NLRP5: variants seen among roughly 807,000 people sequenced by gnomAD.
The protein encoded by NLRP5 is NLR family pyrin domain containing 5.
Under a neutral mutation model 113.1 loss-of-function variants are expected in NLRP5, and 93 were observed. The observed-to-expected ratio is 0.82, with a 90% CI of 0.70 to 0.98. NLRP5 has a LOEUF of 0.98. NLRP5 is among the 50% of genes least tolerant of loss of function. NLRP5 has a pLI of 0.00. For synonymous variants in NLRP5, 751 were observed against 600.7 expected, an observed-to-expected ratio of 1.25 and a Z score of -3.66; for missense variants, 1,808 against 1,514.3, an observed-to-expected ratio of 1.19 and a Z score of -3.22.
At chr19:55,988,609 AAT>A in the NLRP5 span, 1 of 127,016 alleles carries the variant, frequency 7.9e-6, no homozygotes, top group East Asian at 3.0e-4. Context: ...TCATCTTAAA[AAT>A]AAAATCACTG....
At chr19:56,053,371 G>T (rs900092406) in intron 12 of NLRP5, among the ~76,000 whole-genome samples, 13 of 151,898 alleles carry the variant, frequency 8.6e-5, no homozygotes, top group Admixed American at 7.9e-4. Context: ...ACTCCAGCAT[G>T]GGCAACAAGA....
At chr19:56,006,578 A>C (rs1981921582) in intron 2 of NLRP5, among the ~76,000 whole-genome samples, 1 of 151,740 alleles carries the variant, frequency 6.6e-6, no homozygotes, top group Non-Finnish European at 1.5e-5. Flanking sequence ...CTAAAAATAC[A>C]AAAATTAGCC....
chr19:56,010,102 C>T (rs1031649873), intron 3 of NLRP5, among the ~76,000 whole-genome samples: 4 of 152,202 alleles, frequency 2.6e-5, no homozygotes, highest in African/African-American at 7.2e-5. Flanking sequence ...GGGGTCTTGC[C>T]ATCAGCCACG....
chr19:56,037,125 G>A (rs1449426763), intron 9 of NLRP5, among the ~76,000 whole-genome samples: 1 of 152,170 alleles, frequency 6.6e-6, no homozygotes, highest in Non-Finnish European at 1.5e-5. Flanking sequence ...GAGATGCTAA[G>A]CTATTCGGTT....
chr19:56,059,912 A>C (rs1271162146), intron 14 of NLRP5, among the ~76,000 whole-genome samples: 1 of 152,206 alleles, frequency 6.6e-6, no homozygotes, highest in Non-Finnish European at 1.5e-5. Flanking sequence ...AGTTGAGTTT[A>C]TCCAGGGTTC....
chr19:56,038,162 TGA>T lies in NLRP5; in HGVS notation c.2757_2758del (p.Arg919SerfsTer62). ...GGAGTAATGCCTCTCAGTGATGCCT[TGA>T]GAGTCTCCCAGTGCGCCCTGCAGAA... On this transcript the variant is annotated frameshift_variant, in exon 10 of 15. Coordinates refer to ENST00000390649, the MANE Select transcript of NLRP5 (RefSeq NM_153447.4). LOFTEE classifies it high-confidence loss of function. The T allele has an allele frequency of 6.2e-7, 1 of 1,613,850 alleles. No homozygotes were observed. The highest frequency in any genetic ancestry group is 8.5e-7 in the Non-Finnish European group (1 of 1,179,812).
chr19:56,047,007 C>T (rs978562738), intron 11 of NLRP5, among the ~76,000 whole-genome samples: 3 of 152,158 alleles, frequency 2.0e-5, no homozygotes, highest in Non-Finnish European at 4.4e-5. Flanking sequence ...TTATCCATGT[C>T]TTCTAGGTTT....
chr19:55,989,939 G>A, the NLRP5 span, among the ~76,000 whole-genome samples: 1 of 152,102 alleles, frequency 6.6e-6, no homozygotes, highest in African/African-American at 2.4e-5. Flanking sequence ...CCATCACAAA[G>A]CAGCGTCCAG....
chr19:56,026,947 C>A lies in NLRP5; in HGVS notation c.714C>A (p.His238Gln). The change falls in exon 7 of 15, where the codon CAC becomes CAA. Residue 238 changes from histidine (H) to glutamine (Q), a missense_variant. Physicochemically the swap from His to Gln is conservative, Grantham distance 24 (BLOSUM62 0). Coordinates refer to ENST00000390649, the MANE Select transcript of NLRP5 (RefSeq NM_153447.4). ...GTGACACATGGGACTACAAGAGTCA[C>A]GTGATGACCAAATTCGCTGAGGAGG... 1 of 1,551,630 alleles carries A rather than the reference C, an allele frequency of 6.4e-7. No individual in the cohort carries two copies. Among genetic ancestry groups the A allele is most frequent in the Non-Finnish European group, 8.7e-7 (1 of 1,146,958 alleles).
chr19:56,030,714 C>CTTT (rs770624516), intron 7 of NLRP5, among the ~76,000 whole-genome samples: 17 of 71,354 alleles, frequency 2.4e-4, no homozygotes, highest in South Asian at 5.6e-4. Context: ...CTTTCTTCTT[C>CTTT]TTTTTTTTTT....
intron 5 of NLRP5, among the ~76,000 whole-genome samples, chr19:56,020,089 C>T (rs1283034540): frequency 6.6e-6 from 1 of 151,898 alleles, no homozygotes; most frequent in African/African-American, 2.4e-5. Context: ...ACCTCGGCCT[C>T]CCAAAGTGCT....
Position 56,050,561 on chromosome 19 carries a change from A to G in NLRP5, c.3101A>G (p.Glu1034Gly), listed in dbSNP as rs377363792. The G allele has an allele frequency of 5.1e-5, 82 of 1,613,894 alleles. No homozygotes were observed. In the African/African-American group the frequency reaches 1.0e-3, roughly 20 times the overall value. ...AAGCTTCTGTGCGAGGTCATGAGAG[A>G]ACCATCTTGTCATCTCCAGGACCTG... The change falls in exon 12 of 15, where the codon GAA becomes GGA. Residue 1034 changes from glutamate to glycine, a missense_variant. Physicochemically the swap from Glu to Gly is moderately conservative, Grantham distance 98. Coordinates refer to ENST00000390649, the MANE Select transcript of NLRP5 (RefSeq NM_153447.4).
At chr19:55,992,866 T>G in the NLRP5 span, among the ~76,000 whole-genome samples, 2 of 143,096 alleles carry the variant, frequency 1.4e-5, no homozygotes, top group Non-Finnish European at 3.1e-5. Flanking sequence ...TTTTTTTTTT[T>G]GAAATGAATT....
At chr19:56,000,131 G>A (rs57214681) in intron 1 of NLRP5, among the ~76,000 whole-genome samples, 2 of 86,444 alleles carry the variant, frequency 2.3e-5, no homozygotes, top group African/African-American at 4.0e-5. Flanking sequence ...GTCCAGGGAC[G>A]GCCACCTCTC....
intron 11 of NLRP5, among the ~76,000 whole-genome samples, chr19:56,046,922 C>T (rs901492209): frequency 1.7e-4 from 26 of 152,310 alleles, no homozygotes; most frequent in African/African-American, 6.0e-4. Flanking sequence ...TTCAATCTCA[C>T]TGCTTGTTAC....
rs369071652 is a variant in NLRP5 at position 56,040,976 on chromosome 19, C to G, written c.2841C>G (p.Leu947=). The change falls in exon 11 of 15, where the codon CTC becomes CTG. Residue 947 remains leucine, a synonymous_variant. Coordinates refer to ENST00000390649, the MANE Select transcript of NLRP5 (RefSeq NM_153447.4). The stretch of plus-strand genomic sequence containing the variant: ...GTTGCCAGAGTCTGGCCTCAGCCCT[C>G]GTCAGCAACCGGAGCTTGACACACC... The G allele has an allele frequency of 4.3e-6, 7 of 1,613,934 alleles. No homozygotes were observed. Among genetic ancestry groups the G allele is most frequent in the Admixed American group, 1.7e-5 (1 of 59,998 alleles).
At chr19:56,006,390 A>G (rs1176671524) in intron 2 of NLRP5, among the ~76,000 whole-genome samples, 4 of 151,854 alleles carry the variant, frequency 2.6e-5, no homozygotes, top group South Asian at 4.2e-4. Context: ...AAACCTGCAC[A>G]TTGTGCACAT....
At chr19:56,014,417 T>C (rs555710029) in intron 3 of NLRP5, among the ~76,000 whole-genome samples, 1 of 151,098 alleles carries the variant, frequency 6.6e-6, no homozygotes, top group East Asian at 2.0e-4. Context: ...GAGGTGGAGG[T>C]TCCAGTGAAC....
intron 11 of NLRP5, 142 bp from the exon 12 acceptor site, chr19:56,050,276 C>CAAAA (rs5828668): frequency 6.3e-5 from 34 of 540,814 alleles, no homozygotes; most frequent in Middle Eastern, 5.5e-4. Flanking sequence ...CAAGACTCCT[C>CAAAA]AAAAAAAAAA....
Sources: allele counts gnomAD v4.1 joint callset (sites outside exome capture counted in the v4.1 genomes callset), GRCh38; gene constraint gnomAD v4.1.1; transcripts MANE v1.5; gene names NCBI Gene and HGNC (gene_info 2026-07-23, HGNC 2026-07-21).